The following MAST4 variants were observed in gnomAD, a reference collection of about 807,000 sequenced individuals.
MAST4 encodes microtubule associated serine/threonine kinase family member 4, also known as microtubule-associated serine/threonine-protein kinase 4.
Under a neutral mutation model 162.7 loss-of-function variants are expected in MAST4, and 89 were observed. The observed-to-expected ratio is 0.55, with a 90% CI of 0.46 to 0.65. The LOEUF (loss-of-function observed/expected upper bound fraction) is 0.65. Among genes scored for constraint, MAST4 ranks in the 30% least tolerant of loss-of-function variants. The pLI, the probability that MAST4 is intolerant of heterozygous loss-of-function variation, is 0.00. For synonymous variants in MAST4, 1,479 were observed against 1,361.1 expected, an observed-to-expected ratio of 1.09 and a Z score of -1.91; for missense variants, 3,153 against 3,374.0, an observed-to-expected ratio of 0.93 and a Z score of 1.62.
At chr5:66,800,176 A>G (rs1284942755) in intron 3 of MAST4, among the ~76,000 whole-genome samples, 2 of 152,204 alleles carry the variant, frequency 1.3e-5, no homozygotes, top group Admixed American at 6.5e-5. Context: ...CTGCAGGATA[A>G]CTTGTCAGAC....
intron 4 of MAST4, among the ~76,000 whole-genome samples, chr5:67,027,887 C>G (rs1364116617): frequency 6.6e-6 from 1 of 152,142 alleles, no homozygotes; most frequent in African/African-American, 2.4e-5. Context: ...AGTTGACTCT[C>G]CATCCTCTGC....
intron 5 of MAST4, among the ~76,000 whole-genome samples, chr5:67,086,964 A>G (rs998352638): frequency 2.0e-5 from 3 of 152,238 alleles, no homozygotes; most frequent in African/African-American, 7.2e-5. Context: ...TAGTATTGCT[A>G]AGTCTTCAGA....
At chr5:66,687,636 T>TTATCTATCTATC (rs34407559) in intron 1 of MAST4, among the ~76,000 whole-genome samples, 1 of 149,432 alleles carries the variant, frequency 6.7e-6, no homozygotes, top group Non-Finnish European at 1.5e-5. Context: ...GTGTGTGTGT[T>TTATCTATCTATC]TATCTATCTA....
intron 2 of MAST4, among the ~76,000 whole-genome samples, chr5:66,771,101 G>A (rs1435481417): frequency 6.6e-6 from 1 of 152,146 alleles, no homozygotes; most frequent in Non-Finnish European, 1.5e-5. Context: ...GCACCAGAGA[G>A]GAGGATGTCT....
At chr5:66,694,438 G>A (rs190574994) in intron 1 of MAST4, among the ~76,000 whole-genome samples, 1 of 151,926 alleles carries the variant, frequency 6.6e-6, no homozygotes, top group Non-Finnish European at 1.5e-5. Flanking sequence ...TTAAAAATTT[G>A]CACTCCTCTA....
At chr5:66,628,641 C>CG (rs927687456) in intron 1 of MAST4, among the ~76,000 whole-genome samples, 2 of 151,252 alleles carry the variant, frequency 1.3e-5, no homozygotes, top group Admixed American at 6.6e-5. Context: ...GGTAGAGGGG[C>CG]GGGGGGAAAG....
intron 2 of MAST4, among the ~76,000 whole-genome samples, chr5:66,760,515 T>A (rs1259575271): frequency 6.6e-6 from 1 of 152,192 alleles, no homozygotes; most frequent in African/African-American, 2.4e-5. Flanking sequence ...CCCATGCTCT[T>A]CCTAGTCAAA....
At chr5:66,717,916 T>C (rs1413228742) in intron 1 of MAST4, among the ~76,000 whole-genome samples, 1 of 152,210 alleles carries the variant, frequency 6.6e-6, no homozygotes, top group Non-Finnish European at 1.5e-5. Flanking sequence ...AAGGAGGCCG[T>C]GGGACCGCTG....
intron 5 of MAST4, among the ~76,000 whole-genome samples, chr5:67,061,459 A>G (rs1184469416): frequency 1.3e-5 from 2 of 150,900 alleles, no homozygotes; most frequent in African/African-American, 4.9e-5. Flanking sequence ...TTAATCTTTT[A>G]TAATCTCACC....
At chr5:67,000,509 G>T (rs1436872164) in intron 4 of MAST4, among the ~76,000 whole-genome samples, 2 of 152,174 alleles carry the variant, frequency 1.3e-5, no homozygotes, top group Non-Finnish European at 2.9e-5. Flanking sequence ...ACTTTGGGAG[G>T]CTGAGGCGGG....
chr5:66,862,728 G>A (rs143677771), intron 3 of MAST4, among the ~76,000 whole-genome samples: 104 of 152,316 alleles, frequency 6.8e-4, no homozygotes, highest in African/African-American at 2.1e-3. Flanking sequence ...CTATAAAACA[G>A]AGTGTCTTGG....
At chr5:66,716,762 A>G (rs1416482788) in intron 1 of MAST4, among the ~76,000 whole-genome samples, 1 of 152,192 alleles carries the variant, frequency 6.6e-6, no homozygotes, top group Non-Finnish European at 1.5e-5. Flanking sequence ...GGCTCATGAT[A>G]GAAGCATACA....
intron 23 of MAST4, among the ~76,000 whole-genome samples, chr5:67,148,035 C>T (rs1298424437): frequency 6.6e-6 from 1 of 152,194 alleles, no homozygotes; most frequent in African/African-American, 2.4e-5. Flanking sequence ...GGCCAAACTA[C>T]AACCATACCA....
chr5:66,798,681 A>G (rs1755772598), intron 3 of MAST4, among the ~76,000 whole-genome samples: 1 of 152,176 alleles, frequency 6.6e-6, no homozygotes, highest in Non-Finnish European at 1.5e-5. Flanking sequence ...TGAATCTGTA[A>G]CCCTAAGAAA....
rs541515461 is a variant in MAST4, at chr5:67,146,224, T to C, written c.3094+845T>C. ...CTTTTTAAAAGTTACCTTTGTGTGA[T>C]GTAACCTTCCTGACAAGAGGAACAG... On this transcript the variant is annotated intron_variant, in intron 23 of 28. Transcript: ENST00000403625. 2.8e-4 allele frequency among the ~76,000 whole-genome samples: 43 copies of C among 152,372 alleles called. 1 individual carries two copies. Among genetic ancestry groups the C allele is most frequent in the Non-Finnish European group, 4.9e-4 (33 of 68,040 alleles).
intron 4 of MAST4, chr5:66,917,380 T>C: frequency 5.4e-6 from 1 of 184,880 alleles, no homozygotes; most frequent in East Asian, 1.3e-4. Flanking sequence ...AGTTTTTATC[T>C]GTTTATGATG....
intron 1 of MAST4, among the ~76,000 whole-genome samples, chr5:66,678,045 A>G (rs1365122199): frequency 6.6e-6 from 1 of 152,172 alleles, no homozygotes; most frequent in Non-Finnish European, 1.5e-5. Context: ...GAAGAATCTA[A>G]AGCTGCAAGT....
At position 66,894,241 on chromosome 5, in the gene MAST4, A is replaced by T. The variant is rs458309; in HGVS notation, c.643-5710A>T. 3.9e-5 allele frequency among the ~76,000 whole-genome samples: 6 copies of T among 151,964 alleles called. 1 individual carries two copies. Among genetic ancestry groups the T allele is most frequent in the African/African-American group, 1.5e-4 (6 of 41,352 alleles). ...TGCCAACCTCTAATAAACAACATAC[A>T]CAAACCACTTTCTCTCTAGATCTCT... On this transcript the variant is annotated intron_variant, in intron 3 of 28. Transcript: ENST00000403625.
At chr5:67,102,944 C>T (rs1002236108) in intron 9 of MAST4, among the ~76,000 whole-genome samples, 4 of 152,152 alleles carry the variant, frequency 2.6e-5, no homozygotes, top group African/African-American at 9.7e-5. Context: ...ATATTCTGGG[C>T]CTGCTGCCAC....
Sources: allele counts gnomAD v4.1 joint callset (sites outside exome capture counted in the v4.1 genomes callset), GRCh38; gene constraint gnomAD v4.1.1; transcripts MANE v1.5; gene names NCBI Gene and HGNC (gene_info 2026-07-23, HGNC 2026-07-21).